Variants in OVCH1 observed in about 807,000 individuals in gnomAD.
The protein encoded by OVCH1 is ovochymase-1.
OVCH1 carries 139 observed loss-of-function variants against 138.4 expected under a neutral mutation model. The ratio of observed to expected loss-of-function variants is 1.00; its 90% confidence interval spans 0.87 to 1.16. The LOEUF (loss-of-function observed/expected upper bound fraction) is 1.16, where lower values mean the gene tolerates loss of function less well. OVCH1 is among the 50% of genes most tolerant of loss of function. The pLI is 0.00. For missense variants in OVCH1, 1,367 were observed against 1,357.9 expected (o/e 1.01, Z -0.11); for synonymous variants, 453 against 467.8 (o/e 0.97, Z 0.41).
chr12:29,427,900 C>A (rs915754669), intron 27 of OVCH1, among the ~76,000 whole-genome samples: 2 of 152,152 alleles, frequency 1.3e-5, no homozygotes, highest in African/African-American at 4.8e-5. Flanking sequence ...TTCAGGTTGT[C>A]TCATTTGTAA....
At chr12:29,424,513 G>A (rs1941151265), downstream of OVCH1, among the ~76,000 whole-genome samples, 3 of 152,206 alleles carry the variant, frequency 2.0e-5, no homozygotes, top group Admixed American at 2.0e-4. Context: ...GGAGCATAAG[G>A]CGGTAGGTAG....
chr12:29,471,863 G>T, exon 16 of OVCH1: 2 of 1,613,118 alleles, frequency 1.2e-6, no homozygotes, highest in Non-Finnish European at 1.7e-6. Flanking sequence ...CCTCCACATT[G>T]GTAATCGCCT....
chr12:29,475,082 T>C (rs1942655999), exon 14 of OVCH1: 12 of 1,586,560 alleles, frequency 7.6e-6, no homozygotes, highest in Non-Finnish European at 1.0e-5. Flanking sequence ...ATGGTAAATC[T>C]GGCCTTGAAG....
chr12:29,494,016 C>G (rs1283769665), intron 4 of OVCH1, among the ~76,000 whole-genome samples: 1 of 152,166 alleles, frequency 6.6e-6, no homozygotes, highest in African/African-American at 2.4e-5. Context: ...TTTTTTGTGC[C>G]ACACAGGTGA....
chr12:29,476,999 G>T, intron 12 of OVCH1, 103 bp downstream of exon 12: 1 of 1,301,708 alleles, frequency 7.7e-7, no homozygotes. Context: ...GCTAAAAGAA[G>T]CTCCTAGTCA....
chr12:29,452,509 A>G (rs1941825031), intron 21 of OVCH1, among the ~76,000 whole-genome samples: 1 of 152,166 alleles, frequency 6.6e-6, no homozygotes, highest in African/African-American at 2.4e-5. Flanking sequence ...TTTTCAGTCT[A>G]TAATCTTCCC....
chr12:29,474,213 AT>A (rs1942626195), intron 14 of OVCH1, among the ~76,000 whole-genome samples: 1 of 152,158 alleles, frequency 6.6e-6, no homozygotes, highest in Admixed American at 6.6e-5. Context: ...TACGTATAGA[AT>A]AAATTCTTTA....
chr12:29,460,277 A>G (rs1302483918), intron 19 of OVCH1, among the ~76,000 whole-genome samples: 1 of 152,218 alleles, frequency 6.6e-6, no homozygotes, highest in Non-Finnish European at 1.5e-5. Context: ...GATGCTGTCA[A>G]ATATGTAAAA....
At chr12:29,439,194 C>T in intron 26 of OVCH1, 1 of 721,444 alleles carries the variant, frequency 1.4e-6, no homozygotes, top group African/African-American at 1.8e-5. Flanking sequence ...TATGCCACCC[C>T]TAGAAGCTCA....
At chr12:29,416,829 A>G (rs1337131425) in intron 3 of OVCH1, among the ~76,000 whole-genome samples, 2 of 152,230 alleles carry the variant, frequency 1.3e-5, no homozygotes, top group African/African-American at 4.8e-5. Context: ...ATGAAAACAC[A>G]TGTCCACACA....
chr12:29,460,472 C>A (rs1371588678), intron 19 of OVCH1, among the ~76,000 whole-genome samples: 1 of 152,034 alleles, frequency 6.6e-6, no homozygotes, highest in African/African-American at 2.4e-5. Context: ...ATCTTCCAGC[C>A]CATGTCCTGG....
chr12:29,461,722 G>T, intron 19 of OVCH1, 132 bp downstream of exon 19: 1 of 1,117,938 alleles, frequency 8.9e-7, no homozygotes, highest in Non-Finnish European at 1.3e-6. Flanking sequence ...TGCCCCACTG[G>T]TCTTCATGCA....
chr12:29,415,120 T>G (rs1941015275), intron 3 of OVCH1, among the ~76,000 whole-genome samples: 1 of 152,206 alleles, frequency 6.6e-6, no homozygotes, highest in South Asian at 2.1e-4. Context: ...GGTACAGTTA[T>G]AGATAAGTTA....
At chr12:29,460,543 G>A (rs1306598438) in intron 19 of OVCH1, among the ~76,000 whole-genome samples, 5 of 152,104 alleles carry the variant, frequency 3.3e-5, no homozygotes, top group Non-Finnish European at 5.9e-5. Flanking sequence ...TAAAGTATCG[G>A]AAATGCTGAG....
downstream of OVCH1, chr12:29,423,126 C>T: frequency 2.3e-6 from 1 of 425,776 alleles, no homozygotes; most frequent in South Asian, 1.7e-5. Flanking sequence ...CAATTACTTA[C>T]CACTGATAGG....
downstream of OVCH1, among the ~76,000 whole-genome samples, chr12:29,424,424 G>C (rs1941149612): frequency 6.6e-6 from 1 of 152,194 alleles, no homozygotes; most frequent in Non-Finnish European, 1.5e-5. Context: ...ATTTTGTTTT[G>C]GGGCCAGTTC....
intron 16 of OVCH1, among the ~76,000 whole-genome samples, chr12:29,470,426 T>A (rs2136002682): frequency 6.6e-6 from 1 of 152,246 alleles, no homozygotes; most frequent in South Asian, 2.1e-4. Context: ...TGTCCATGTG[T>A]TCTCATTGTT....
At chr12:29,496,744 C>G in intron 1 of OVCH1, 70 bp from the exon 2 acceptor site, 1 of 1,238,752 alleles carries the variant, frequency 8.1e-7, no homozygotes, top group Non-Finnish European at 1.1e-6. Flanking sequence ...CAAGATTTCC[C>G]ATTTGGATTT....
At position 29,461,953 on chromosome 12, in the gene OVCH1, C is replaced by T. The variant is rs751423430; in HGVS notation, c.2181G>A (p.Glu727=). The change falls in exon 19 of 28, where the codon GAG becomes GAA. Residue 727 remains glutamate (E), a synonymous_variant. Transcript: ENST00000318184. ...CAGAATAGTAAGTGTGTTCACAGACCTCTCTTTCTAACACATGCACTTGAA... is the reference window on the plus strand; with the variant it reads ...CAGAATAGTAAGTGTGTTCACAGACTTCTCTTTCTAACACATGCACTTGAA... 7 of 1,613,696 alleles carry T rather than the reference C, an allele frequency of 4.3e-6. No homozygotes were observed. In the African/African-American group the frequency reaches 9.3e-5, roughly 22 times the overall value.
Sources: allele counts gnomAD v4.1 joint callset (sites outside exome capture counted in the v4.1 genomes callset), GRCh38; gene constraint gnomAD v4.1.1; transcripts MANE v1.5; gene names NCBI Gene and HGNC (gene_info 2026-07-23, HGNC 2026-07-21).